Variants in DLGAP2 observed in about 807,000 individuals in gnomAD.
The protein encoded by DLGAP2 is disks large-associated protein 2.
Under a neutral mutation model 100.3 loss-of-function variants are expected in DLGAP2, and 26 were observed. The observed-to-expected ratio is 0.26, with a 90% CI of 0.19 to 0.36. The LOEUF is 0.36. Among genes scored for constraint, DLGAP2 ranks in the 10% least tolerant of loss-of-function variants. DLGAP2 has a pLI of 1.00. For missense variants in DLGAP2, 1,858 were observed against 1,453.2 expected (o/e 1.28, Z -4.53); for synonymous variants, 886 against 630.1 (o/e 1.41, Z -6.08).
chr8:1,077,963 G>A (rs1177941693), intron 2 of DLGAP2, among the ~76,000 whole-genome samples: 1 of 152,188 alleles, frequency 6.6e-6, no homozygotes, highest in Non-Finnish European at 1.5e-5. Context: ...AACTCCAGGG[G>A]TGTCATCCAC....
At chr8:1,529,588 C>G (rs1249350651) in intron 4 of DLGAP2, among the ~76,000 whole-genome samples, 1 of 152,144 alleles carries the variant, frequency 6.6e-6, no homozygotes, top group East Asian at 1.9e-4. Context: ...TGCTGTCAAA[C>G]CCAAGGCAGG....
At chr8:771,484 C>A (rs1016109013) in intron 1 of DLGAP2, among the ~76,000 whole-genome samples, 1 of 152,262 alleles carries the variant, frequency 6.6e-6, no homozygotes, top group African/African-American at 2.4e-5. Flanking sequence ...GGGTCTAAGG[C>A]AGGCCGGCTA....
intron 3 of DLGAP2, among the ~76,000 whole-genome samples, chr8:1,464,237 A>ACAG (rs1563164749): frequency 5.7e-5 from 2 of 34,812 alleles, no homozygotes; most frequent in African/African-American, 1.4e-4. Flanking sequence ...TTCCAGGACG[A>ACAG]CACCCTTCCA....
chr8:851,937 G>A (rs2128987835), intron 1 of DLGAP2, among the ~76,000 whole-genome samples: 1 of 152,306 alleles, frequency 6.6e-6, no homozygotes, highest in Admixed American at 6.5e-5. Context: ...TTATTAGCGA[G>A]GACACTGGTC....
chr8:1,029,142 C>G (rs539017315), intron 2 of DLGAP2, among the ~76,000 whole-genome samples: 2 of 152,248 alleles, frequency 1.3e-5, no homozygotes, highest in Admixed American at 1.3e-4. Context: ...GGCCAGGTCC[C>G]CAGGGCGTGC....
At chr8:989,346 T>G (rs1324299552) in intron 2 of DLGAP2, among the ~76,000 whole-genome samples, 1 of 152,200 alleles carries the variant, frequency 6.6e-6, no homozygotes, top group Non-Finnish European at 1.5e-5. Context: ...AGGGGCTGTC[T>G]TCGGGTTTTT....
chr8:1,174,477 C>CCAT lies in DLGAP2; in HGVS notation c.74-84361_74-84359dup, dbSNP rs1024044070. Reference sequence around the variant, plus strand: ...ATCATTATCGTCATCATTACCATTACCATCATCATCATCATTACCATCATC... The same window carrying CCAT: ...ATCATTATCGTCATCATTACCATTACCATCATCATCATCATCATTACCATCATC... On this transcript the variant is annotated intron_variant, in intron 2 of 14. Coordinates refer to ENST00000637795, the MANE Select transcript of DLGAP2 (RefSeq NM_001346810.2). Among the ~76,000 whole-genome samples, 367 of 151,438 alleles carry CCAT rather than the reference C, an allele frequency of 2.4e-3. 2 individuals are homozygous for CCAT. Among genetic ancestry groups the CCAT allele is most frequent in the African/African-American group, 8.4e-3 (347 of 41,230 alleles).
rs1429652149 is a variant in DLGAP2 at position 1,315,902 on chromosome 8, G to C, written c.106+57019G>C. Among the ~76,000 whole-genome samples the C allele has an allele frequency of 1.2e-4, 17 of 136,064 alleles. 1 individual carries two copies. The allele number at this position is 136,064 out of a possible 152,430, so 89.3% of individuals were successfully genotyped here. ...TGGTCTACACTCGAGAAACTTGGCA[G>C]CTTTTAAAAATAGAGCGTGTGCGAG... On this transcript the variant is annotated intron_variant, in intron 3 of 14. Coordinates refer to ENST00000637795, the MANE Select transcript of DLGAP2 (RefSeq NM_001346810.2).
intron 3 of DLGAP2, among the ~76,000 whole-genome samples, chr8:1,454,691 G>C (rs1323521703): frequency 2.0e-5 from 3 of 152,162 alleles, no homozygotes; most frequent in African/African-American, 7.2e-5. Flanking sequence ...TTTTCTCTAA[G>C]GGAGTTCAGC....
intron 2 of DLGAP2, among the ~76,000 whole-genome samples, chr8:1,194,301 C>T (rs1272453329): frequency 6.6e-6 from 1 of 152,062 alleles, no homozygotes; most frequent in Admixed American, 6.5e-5. Flanking sequence ...GACAAGCAGA[C>T]GTTGGCAGTG....
At chr8:1,211,887 A>C (rs765973165) in intron 2 of DLGAP2, among the ~76,000 whole-genome samples, 2 of 152,222 alleles carry the variant, frequency 1.3e-5, no homozygotes, top group African/African-American at 4.8e-5. Flanking sequence ...AAAATAAAAT[A>C]AAATAAAAAA....
intron 3 of DLGAP2, among the ~76,000 whole-genome samples, chr8:1,346,673 C>T (rs1351623633): frequency 6.7e-6 from 1 of 149,816 alleles, no homozygotes; most frequent in Non-Finnish European, 1.5e-5. Flanking sequence ...AGGTTGAGTT[C>T]CCATACAGAG....
intron 2 of DLGAP2, among the ~76,000 whole-genome samples, chr8:921,927 C>T (rs1205644074): frequency 6.6e-6 from 1 of 152,238 alleles, no homozygotes; most frequent in African/African-American, 2.4e-5. Flanking sequence ...ACAGCTGCTT[C>T]TGGGGTGATG....
intron 2 of DLGAP2, among the ~76,000 whole-genome samples, chr8:949,215 C>G (rs145939410): frequency 3.9e-5 from 6 of 152,274 alleles, no homozygotes; most frequent in Admixed American, 1.3e-4. Context: ...CATCAAGGGT[C>G]CAGCCTGTGC....
chr8:1,583,285 A>G (rs1796005649), intron 6 of DLGAP2, among the ~76,000 whole-genome samples: 1 of 152,182 alleles, frequency 6.6e-6, no homozygotes, highest in Non-Finnish European at 1.5e-5. Flanking sequence ...TGAGTAACCA[A>G]GAGAACACCA....
chr8:1,344,406 C>G (rs1198423840), intron 3 of DLGAP2, among the ~76,000 whole-genome samples: 2 of 152,220 alleles, frequency 1.3e-5, no homozygotes, highest in Non-Finnish European at 2.9e-5. Flanking sequence ...GTCACTTTCT[C>G]TGAGCAGCTG....
intron 3 of DLGAP2, among the ~76,000 whole-genome samples, chr8:1,497,543 C>T (rs535135105): frequency 3.4e-4 from 52 of 152,268 alleles, no homozygotes; most frequent in African/African-American, 1.3e-3. Context: ...GAGAGATCTA[C>T]CAGAAGAAGG....
intron 2 of DLGAP2, among the ~76,000 whole-genome samples, chr8:1,045,447 TA>T (rs1482841188): frequency 2.0e-5 from 3 of 152,216 alleles, no homozygotes; most frequent in Non-Finnish European, 4.4e-5. Flanking sequence ...GCGGAGAGAC[TA>T]AATTGAGCTA....
chr8:902,439 G>C lies in DLGAP2; in HGVS notation c.19-5473G>C, dbSNP rs919334493. 2.7e-5 allele frequency among the ~76,000 whole-genome samples: 4 copies of C among 149,542 alleles called. No individual in the cohort carries two copies. The East Asian group carries it at 6.2e-4, about 23-fold the overall frequency. On this transcript the variant is annotated intron_variant, in intron 1 of 14. Coordinates refer to ENST00000637795, the MANE Select transcript of DLGAP2 (RefSeq NM_001346810.2). The stretch of plus-strand genomic sequence containing the variant: ...CAGTTCGTGCTGGTGGAGAGTGGGG[G>C]GTCCAGGCGTGTGCAAGGTTTGAGC...
Sources: gnomAD v4.1 joint callset for allele counts (sites outside exome capture counted in the v4.1 genomes callset) on GRCh38, gnomAD v4.1.1 for gene constraint, MANE v1.5 for transcripts, NCBI Gene and HGNC (gene_info 2026-07-23, HGNC 2026-07-21) for gene names.